IPO11: variants seen among roughly 807,000 people sequenced by gnomAD.
The protein encoded by IPO11 is importin 11.
In IPO11, 66 loss-of-function variants were observed where a neutral mutation model predicts 143.2. That is an observed-to-expected ratio of 0.46 (90% CI 0.38 to 0.57). The LOEUF is 0.57. Ranked by LOEUF, IPO11 falls within the 20% of genes least tolerant of loss-of-function variation. The pLI is 0.00. For missense variants in IPO11, 1,026 were observed against 1,141.0 expected, an observed-to-expected ratio of 0.90 and a Z score of 1.45; for synonymous variants, 385 against 377.8, an observed-to-expected ratio of 1.02 and a Z score of -0.22.
intron 27 of IPO11, chr5:62,581,300 C>T: frequency 6.6e-7 from 1 of 1,506,396 alleles, no homozygotes; most frequent in Non-Finnish European, 8.8e-7. Context: ...GAACATTCTG[C>T]TTTATAACTC....
chr5:62,419,372 G>T (rs1743418736), intron 1 of IPO11, among the ~76,000 whole-genome samples: 1 of 152,126 alleles, frequency 6.6e-6, no homozygotes, highest in Non-Finnish European at 1.5e-5. Context: ...TTAGCTTATT[G>T]TAACTTTTAG....
At chr5:62,452,081 TA>T (rs757310413) in intron 5 of IPO11, 148 bp downstream of exon 5, 4 of 618,600 alleles carry the variant, frequency 6.5e-6, no homozygotes, top group Non-Finnish European at 1.1e-5. Flanking sequence ...CCATCTCTAC[TA>T]AAAACTACAA....
chr5:62,416,172 TTTTTC>T (rs1354268049), intron 1 of IPO11, among the ~76,000 whole-genome samples: 3 of 149,312 alleles, frequency 2.0e-5, no homozygotes, highest in East Asian at 4.0e-4. Flanking sequence ...GTTTTCTTTT[TTTTTC>T]TTTTCTTTTT....
chr5:62,438,247 TGAA>T (rs1333795132), intron 2 of IPO11, among the ~76,000 whole-genome samples: 1 of 152,174 alleles, frequency 6.6e-6, no homozygotes, highest in African/African-American at 2.4e-5. Flanking sequence ...TTTGTTAAAT[TGAA>T]GAAGATATTG....
rs61308671 is a variant in IPO11, at chr5:62,597,099, G to A, written c.2679-4665G>A. Among the ~76,000 whole-genome samples the A allele has an allele frequency of 4.7e-3, 716 of 152,150 alleles. 7 individuals are homozygous for A. The highest frequency in any genetic ancestry group is 0.017 in the African/African-American group (689 of 41,504). On this transcript the variant is annotated intron_variant, in intron 28 of 29. Transcript: ENST00000325324. ...AGTTGCTTATATTCAGTCTAGTGAC[G>A]GTAAGAGGATTTGAGACAGTGCAAA...
intron 22 of IPO11, among the ~76,000 whole-genome samples, chr5:62,531,168 G>T (rs1189108820): frequency 6.6e-6 from 1 of 152,082 alleles, no homozygotes; most frequent in African/African-American, 2.4e-5. Flanking sequence ...AAATAAGTCT[G>T]TTGGTGTTGT....
chr5:62,519,842 G>C (rs958857652), intron 20 of IPO11, among the ~76,000 whole-genome samples: 4 of 152,170 alleles, frequency 2.6e-5, no homozygotes, highest in African/African-American at 9.7e-5. Flanking sequence ...ATCTGTTTCC[G>C]TACTCATTCA....
At chr5:62,548,355 A>G (rs1000623592) in intron 24 of IPO11, among the ~76,000 whole-genome samples, 1 of 152,206 alleles carries the variant, frequency 6.6e-6, no homozygotes, top group Non-Finnish European at 1.5e-5. Context: ...CTTCAGAGCC[A>G]TGCTGACTCC....
chr5:62,476,972 C>T (rs2112211216), intron 9 of IPO11, among the ~76,000 whole-genome samples: 1 of 152,190 alleles, frequency 6.6e-6, no homozygotes, highest in African/African-American at 2.4e-5. Context: ...CACCTTGGTA[C>T]ATGAAAAATA....
chr5:62,610,034 A>G (rs904194674), intron 29 of IPO11, among the ~76,000 whole-genome samples: 2 of 152,208 alleles, frequency 1.3e-5, no homozygotes, highest in African/African-American at 2.4e-5. Flanking sequence ...AGGGAATAAC[A>G]GCAGTCATGG....
rs200121448 is a variant in IPO11 at position 62,598,430 on chromosome 5, T to C, written c.2679-3334T>C. Among the ~76,000 whole-genome samples, 16 of 7,172 alleles carry C rather than the reference T, an allele frequency of 2.2e-3. 2 individuals carry two copies. The South Asian group carries it at 0.071, about 32-fold the overall frequency. The allele number at this position is 7,172 out of a possible 152,430, so 4.7% of individuals were successfully genotyped here. ...TTTCTTTCTTTCTTTCTTTCTTTCTTTCTCTCTCTCTCTCTCTCTCTCTCT... is the reference window on the plus strand; with the variant it reads ...TTTCTTTCTTTCTTTCTTTCTTTCTCTCTCTCTCTCTCTCTCTCTCTCTCT... On this transcript the variant is annotated intron_variant, in intron 28 of 29. Transcript: ENST00000325324.
At chr5:62,475,670 T>G (rs184930447) in intron 8 of IPO11, among the ~76,000 whole-genome samples, 1 of 152,266 alleles carries the variant, frequency 6.6e-6, no homozygotes, top group Non-Finnish European at 1.5e-5. Flanking sequence ...CTTTTCGCTT[T>G]TAGTATTTGT....
At chr5:62,539,053 G>A (rs1196435466) in intron 24 of IPO11, among the ~76,000 whole-genome samples, 1 of 152,172 alleles carries the variant, frequency 6.6e-6, no homozygotes, top group Non-Finnish European at 1.5e-5. Context: ...ATTATAGATT[G>A]ATGAGAAAAG....
intron 9 of IPO11, among the ~76,000 whole-genome samples, chr5:62,478,954 T>C (rs568843319): frequency 6.6e-6 from 1 of 152,228 alleles, no homozygotes. Context: ...TTTTAAATTA[T>C]ACTTTAAGTT....
intron 11 of IPO11, among the ~76,000 whole-genome samples, chr5:62,484,603 C>T (rs1318351747): frequency 1.4e-5 from 2 of 138,762 alleles, no homozygotes; most frequent in Non-Finnish European, 3.0e-5. Flanking sequence ...AATTTTAGTA[C>T]TAGATAGATA....
intron 1 of IPO11, among the ~76,000 whole-genome samples, chr5:62,433,035 T>C (rs1744049299): frequency 6.6e-6 from 1 of 152,216 alleles, no homozygotes; most frequent in Non-Finnish European, 1.5e-5. Flanking sequence ...TTTCATTTAA[T>C]GGTTTTAGCA....
At chr5:62,541,075 T>TA (rs578043266) in intron 24 of IPO11, among the ~76,000 whole-genome samples, 158 of 152,332 alleles carry the variant, frequency 1.0e-3, no homozygotes, top group African/African-American at 3.6e-3. Context: ...AAATAATTAA[T>TA]AATTGTATTT....
In IPO11 at chr5:62,449,982, A is replaced by T; in HGVS notation, c.295A>T (p.Asn99Tyr). 6.3e-7 allele frequency: 1 copy of T among 1,599,238 alleles called. No individual in the cohort carries two copies. Among genetic ancestry groups the T allele is most frequent in the Non-Finnish European group, 8.5e-7 (1 of 1,173,976 alleles). Residue 99 changes from asparagine (N) to tyrosine (Y), a missense_variant, in exon 4 of 30, where the codon AAT (asparagine) becomes TAT (tyrosine). Coordinates refer to ENST00000325324, the MANE Select transcript of IPO11 (RefSeq NM_016338.5). ...GCGTGCAGGGCTCATCACCAACTTCAATGAACCAATAAACCAGGTTAGTGA... is the reference window on the plus strand; with the variant it reads ...GCGTGCAGGGCTCATCACCAACTTCTATGAACCAATAAACCAGGTTAGTGA... ...TLRAGLITNF[N>Y]EPINQIATQI... is the part of the protein sequence containing the mutation.
intron 26 of IPO11, among the ~76,000 whole-genome samples, chr5:62,558,092 G>T (rs180954321): frequency 9.8e-5 from 15 of 152,312 alleles, no homozygotes; most frequent in Middle Eastern, 6.8e-3. Flanking sequence ...CTGATACTCA[G>T]CTGATAGATG....
Sources: allele counts gnomAD v4.1 joint callset (sites outside exome capture counted in the v4.1 genomes callset), GRCh38; gene constraint gnomAD v4.1.1; transcripts MANE v1.5; gene names NCBI Gene and HGNC (gene_info 2026-07-23, HGNC 2026-07-21).